GRHL1: variants seen among roughly 807,000 people sequenced by gnomAD.
GRHL1 encodes the protein grainyhead like transcription factor 1.
In GRHL1, 38 loss-of-function variants were observed where a neutral mutation model predicts 75.7. That is an observed-to-expected ratio of 0.50 (90% CI 0.39 to 0.66). The LOEUF is 0.66. GRHL1 is among the 30% of genes least tolerant of loss of function. The pLI, the probability that GRHL1 is intolerant of heterozygous loss-of-function variation, is 0.00. For synonymous variants in GRHL1, 266 were observed against 279.4 expected (o/e 0.95, Z 0.48); for missense variants, 589 against 767.5 (o/e 0.77, Z 2.75).
chr2:9,965,402 GC>G, intron 8 of GRHL1, 21 bp downstream of exon 8: 2 of 1,343,734 alleles, frequency 1.5e-6, no homozygotes, highest in Non-Finnish European at 2.1e-6. Flanking sequence ...AGGTCTGGGC[GC>G]CTTATGTCCA....
chr2:9,965,908 A>G (rs1174972407), intron 8 of GRHL1: 1 of 152,438 alleles, frequency 6.6e-6, no homozygotes, highest in Admixed American at 6.5e-5. Flanking sequence ...GAGTAACTCT[A>G]ATTGGCTAGA....
intron 8 of GRHL1, chr2:9,966,182 G>C (rs1667487162): frequency 1.3e-5 from 2 of 152,282 alleles, no homozygotes; most frequent in Non-Finnish European, 1.5e-5. Context: ...TGGGTCACTT[G>C]AGGCCAGGAG....
At chr2:9,952,018 G>T (rs543425773) in intron 1 of GRHL1, among the ~76,000 whole-genome samples, 165 bp downstream of exon 1, 21 of 151,770 alleles carry the variant, frequency 1.4e-4, no homozygotes, top group African/African-American at 4.6e-4. Context: ...TTGCCCCTTA[G>T]CCCTGCCGTG....
chr2:9,959,091 C>T (rs1049440731), intron 3 of GRHL1: 10 of 374,612 alleles, frequency 2.7e-5, no homozygotes, highest in African/African-American at 1.4e-4. Context: ...ACATTCTCCT[C>T]CTCCAAAGGG....
intron 8 of GRHL1, among the ~76,000 whole-genome samples, chr2:9,975,571 A>G (rs2125224965): frequency 6.6e-6 from 1 of 152,308 alleles, no homozygotes; most frequent in Non-Finnish European, 1.5e-5. Context: ...AGTTCAAGTC[A>G]GCTTAAAAGA....
At chr2:9,976,623 A>G (rs1260751674) in intron 8 of GRHL1, among the ~76,000 whole-genome samples, 1 of 152,126 alleles carries the variant, frequency 6.6e-6, no homozygotes, top group Non-Finnish European at 1.5e-5. Context: ...ATGCCACCAG[A>G]GTCAAATGCT....
At position 10,002,154 on chromosome 2, in the gene GRHL1, A is replaced by G. The variant is rs1278638613; in HGVS notation, c.*1447A>G. 1 of 152,584 alleles carries G rather than the reference A, an allele frequency of 6.6e-6. No individual in the cohort carries two copies. Among genetic ancestry groups the G allele is most frequent in the African/African-American group, 2.4e-5 (1 of 41,426 alleles). 9.5% of individuals were successfully genotyped at this position (152,584 alleles called of 1,614,324 possible). A position where few individuals can be genotyped will look rare whatever the true frequency, so the allele number is the denominator to read the frequency against. On this transcript the variant is annotated 3_prime_UTR_variant, in exon 16 of 16. Transcript: ENST00000324907. ...CTGGTTTTCTAAGATAAGATATGGG[A>G]TATGGGTCATATAACTTTTGTATTT...
At chr2:9,956,650 G>T (rs1667039608) in intron 2 of GRHL1, among the ~76,000 whole-genome samples, 1 of 152,188 alleles carries the variant, frequency 6.6e-6, no homozygotes, top group African/African-American at 2.4e-5. Flanking sequence ...AATAACTAAT[G>T]ATGCTAGAAG....
intron 8 of GRHL1, 74 bp downstream of exon 8, chr2:9,965,455 A>ATTTT: frequency 1.6e-6 from 1 of 637,066 alleles, no homozygotes; most frequent in Non-Finnish European, 2.7e-6. Context: ...TTGACAACTG[A>ATTTT]TTTTTTTTTT....
At chr2:9,993,130 C>G (rs1668716001) in intron 11 of GRHL1, 77 bp from the exon 12 acceptor site, 6 of 1,045,556 alleles carry the variant, frequency 5.7e-6, no homozygotes, top group Non-Finnish European at 9.0e-6. Context: ...AAAATTATTT[C>G]CATTTTAGGA....
At chr2:9,989,598 G>A (rs1442663539) in intron 9 of GRHL1, among the ~76,000 whole-genome samples, 4 of 152,150 alleles carry the variant, frequency 2.6e-5, no homozygotes, top group Middle Eastern at 3.4e-3. Context: ...ACCCAGACTG[G>A]AGTACAGTGG....
intron 8 of GRHL1, among the ~76,000 whole-genome samples, chr2:9,974,347 G>A (rs1667856603): frequency 6.6e-6 from 1 of 152,200 alleles, no homozygotes; most frequent in African/African-American, 2.4e-5. Flanking sequence ...GTGCATTTTG[G>A]GAATGTAAAA....
rs62127504 is a variant in GRHL1 at position 9,999,887 on chromosome 2, A to G, written c.1743-706A>G. ...TTGTATTCTTTATTTTTTGTTTGAT[A>G]ATAGTAGTTCATTTAAACTTTGAGG... On this transcript the variant is annotated intron_variant, in intron 15 of 15. Transcript: ENST00000324907. Among the ~76,000 whole-genome samples the G allele has an allele frequency of 5.7e-3, 865 of 152,292 alleles. 7 individuals carry two copies. Among genetic ancestry groups the G allele is most frequent in the Non-Finnish European group, 9.2e-3 (628 of 68,014 alleles).
At chr2:9,986,414 A>T (rs905302515) in intron 9 of GRHL1, 132 bp downstream of exon 9, 12 of 394,870 alleles carry the variant, frequency 3.0e-5, no homozygotes, top group Non-Finnish European at 5.1e-5. Context: ...AATTATTTTT[A>T]TTTATTTATT....
chr2:9,996,286 C>T lies in GRHL1; in HGVS notation c.1592-30C>T, dbSNP rs563634891. 5.3e-6 allele frequency: 8 copies of T among 1,512,784 alleles called. No individual in the cohort carries two copies. In the African/African-American group the frequency reaches 6.8e-5, roughly 13 times the overall value. 93.7% of individuals were successfully genotyped at this position (1,512,784 alleles called of 1,614,324 possible). Reference sequence around the variant, plus strand: ...GTATCCTTTTTTTCCTCTCTTTTCCCTTCCTTATTCCTGGTTGGGGATTGA... The same window carrying T: ...GTATCCTTTTTTTCCTCTCTTTTCCTTTCCTTATTCCTGGTTGGGGATTGA... On this transcript the variant is annotated intron_variant, in intron 13 of 15. Transcript: ENST00000324907.
intron 8 of GRHL1, among the ~76,000 whole-genome samples, chr2:9,983,676 C>T (rs959717085): frequency 1.3e-5 from 2 of 152,052 alleles, no homozygotes; most frequent in African/African-American, 4.8e-5. Flanking sequence ...AGGAATTGAG[C>T]CACGTGGCCT....
In GRHL1 at chr2:9,965,363, C is replaced by A; in HGVS notation, c.1092C>A (p.Asp364Glu). The change falls in exon 8 of 16, where the codon GAC (aspartate) becomes GAA (glutamate). Residue 364 changes from aspartate to glutamate, a missense_variant. Physicochemically the swap from Asp to Glu is conservative, Grantham distance 45. Transcript: ENST00000324907. Reference sequence around the variant, plus strand: ...ATAACGCCATTTCCTTCACATGGGACATCAACGATGAAGCAAAGGTGGGTG... The same window carrying A: ...ATAACGCCATTTCCTTCACATGGGAAATCAACGATGAAGCAAAGGTGGGTG... ...IAYNAISFTW[D>E]INDEAKVFIS... The A allele has an allele frequency of 1.9e-6, 3 of 1,605,326 alleles. No individual in the cohort carries two copies. The African/African-American group carries it at 4.0e-5, about 21-fold the overall frequency.
At chr2:9,985,278 G>A (rs2357393) in intron 8 of GRHL1, among the ~76,000 whole-genome samples, 4,360 of 152,252 alleles carry the variant, frequency 0.029, 174 homozygotes, top group African/African-American at 0.09. Flanking sequence ...CATCTTCCCG[G>A]GTTATTCTAG....
chr2:9,992,733 A>G lies in GRHL1; in HGVS notation c.1462-474A>G, dbSNP rs1443262616. Among the ~76,000 whole-genome samples the G allele has an allele frequency of 4.6e-5, 7 of 152,230 alleles. No individual in the cohort carries two copies. The highest frequency in any genetic ancestry group is 1.3e-4 in the Admixed American group (2 of 15,290). On this transcript the variant is annotated intron_variant, in intron 11 of 15. Coordinates refer to ENST00000324907, the MANE Select transcript of GRHL1 (RefSeq NM_198182.3). The surrounding 1 kb of genome is among the most constrained non-coding windows in gnomAD (Gnocchi z 4.6). ...ATAAATATCAAAAAGACAGTCTTTC[A>G]TGCACTTTGTGGACAGATTTATAAG...
Sources: gnomAD v4.1 joint callset for allele counts (sites outside exome capture counted in the v4.1 genomes callset) on GRCh38, gnomAD v4.1.1 for gene constraint, Gnocchi (gnomAD v3.1) non-coding constraint, MANE v1.5 for transcripts, NCBI Gene and HGNC (gene_info 2026-07-23, HGNC 2026-07-21) for gene names.